Variants in ERCC6 observed in about 807,000 individuals in gnomAD.
ERCC6 encodes DNA excision repair protein ERCC-6.
ERCC6 carries 116 observed loss-of-function variants against 158.7 expected under a neutral mutation model. The observed-to-expected ratio is 0.73, with a 90% CI of 0.63 to 0.85. The LOEUF (loss-of-function observed/expected upper bound fraction) is 0.85, where lower values mean the gene tolerates loss of function less well. Ranked by LOEUF, ERCC6 falls within the 40% of genes least tolerant of loss-of-function variation. ERCC6 has a pLI of 0.00. For missense variants in ERCC6, 1,698 were observed against 1,799.4 expected (o/e 0.94, Z 1.02); for synonymous variants, 678 against 659.3 (o/e 1.03, Z -0.43).
intron 6 of ERCC6, 107 bp downstream of exon 6, chr10:49,505,777 G>C (rs1230183485): frequency 2.2e-6 from 3 of 1,349,654 alleles, no homozygotes; most frequent in Non-Finnish European, 3.1e-6. Context: ...ACAAATTGCT[G>C]CAAGTACCTT....
intron 12 of ERCC6, chr10:49,475,353 G>A: frequency 2.3e-6 from 1 of 430,248 alleles, no homozygotes; most frequent in Non-Finnish European, 4.7e-6. Context: ...TTTTTAATGT[G>A]ACTACTAGAA....
rs149150757 is a variant in ERCC6, at chr10:49,522,679, A to G, written c.1397+1354T>C. Among the ~76,000 whole-genome samples the G allele has an allele frequency of 4.6e-3, 700 of 152,376 alleles. 5 individuals carry two copies. Among genetic ancestry groups the G allele is most frequent in the African/African-American group, 0.015 (634 of 41,592 alleles). On this transcript the variant is annotated intron_variant, in intron 5 of 20. Coordinates refer to ENST00000355832, the MANE Select transcript of ERCC6 (RefSeq NM_000124.4). The stretch of plus-strand genomic sequence containing the variant: ...TGACCCAATTTAATTGGAAAAATAT[A>G]TATTGCTCCATTTATAATCAATATG...
In ERCC6 at chr10:49,528,274, T is replaced by C. The variant is rs4253041; in HGVS notation, c.652+143A>G. 7.9e-4 allele frequency: 758 copies of C among 962,810 alleles called. 4 individuals carry two copies. The East Asian group carries it at 0.017, about 21-fold the overall frequency. The allele number at this position is 962,810 out of a possible 1,614,324, so 59.6% of individuals were successfully genotyped here. A position where few individuals can be genotyped will look rare whatever the true frequency, so the allele number is the denominator to read the frequency against. On this transcript the variant is annotated intron_variant, in intron 4 of 20. Coordinates refer to ENST00000355832, the MANE Select transcript of ERCC6 (RefSeq NM_000124.4). ...GGTTCTGCAGGTGTAGAGAATAAAATTTTCCTAAATCTGTTTTGACACTAA... is the reference window on the plus strand; with the variant it reads ...GGTTCTGCAGGTGTAGAGAATAAAACTTTCCTAAATCTGTTTTGACACTAA...
At chr10:49,533,781 C>A (rs1837528739) in intron 1 of ERCC6, among the ~76,000 whole-genome samples, 1 of 151,932 alleles carries the variant, frequency 6.6e-6, no homozygotes, top group South Asian at 2.1e-4. Context: ...CTAGCCTGGG[C>A]AAAAGAGCAA....
chr10:49,537,189 C>T (rs1041169113), intron 1 of ERCC6, among the ~76,000 whole-genome samples: 4 of 151,998 alleles, frequency 2.6e-5, no homozygotes, highest in Non-Finnish European at 4.4e-5. Flanking sequence ...ACTAAAAATG[C>T]AAAAATTAGC....
chr10:49,523,923 T>C, intron 5 of ERCC6, 110 bp downstream of exon 5: 1 of 1,492,784 alleles, frequency 6.7e-7, no homozygotes, highest in African/African-American at 1.4e-5. Flanking sequence ...CTCTGTATAA[T>C]CGGGGGGGTC....
downstream of ERCC6, among the ~76,000 whole-genome samples, chr10:49,451,155 AACTC>A (rs2132517092): frequency 6.7e-6 from 1 of 149,202 alleles, no homozygotes; most frequent in South Asian, 2.1e-4. Flanking sequence ...CATCTTGCTG[AACTC>A]ACTTATTAGT....
chr10:49,496,874 C>A (rs1851275824), intron 7 of ERCC6, among the ~76,000 whole-genome samples: 1 of 152,128 alleles, frequency 6.6e-6, no homozygotes, highest in Non-Finnish European at 1.5e-5. Flanking sequence ...TCATACAATG[C>A]TTGAAATATT....
chr10:49,445,478 G>C, the ERCC6 span, among the ~76,000 whole-genome samples: 1 of 152,184 alleles, frequency 6.6e-6, no homozygotes, highest in Non-Finnish European at 1.5e-5. Flanking sequence ...TAATCCAGCA[G>C]TAATAAAAAT....
intron 4 of ERCC6, among the ~76,000 whole-genome samples, chr10:49,526,545 T>C (rs939281588): frequency 1.4e-4 from 22 of 152,230 alleles, no homozygotes; most frequent in African/African-American, 5.3e-4. Context: ...TGCTATCTTC[T>C]GATGAACAGA....
rs1215817577 is a variant in ERCC6 at position 49,455,263 on chromosome 10, C to T, written c.*3552G>A. 1 of 152,034 alleles carries T rather than the reference C, an allele frequency of 6.6e-6. No homozygotes were observed. Among genetic ancestry groups the T allele is most frequent in the Non-Finnish European group, 1.5e-5 (1 of 68,006 alleles). The allele number at this position is 152,034 out of a possible 1,614,324, so 9.4% of individuals were successfully genotyped here. ...AAATTTCATCCAAGAATATAAAAGA[C>T]TTTAATAAAATGAGGCCTATCATAA... On this transcript the variant is annotated 3_prime_UTR_variant, in exon 21 of 21. Coordinates refer to ENST00000355832, the MANE Select transcript of ERCC6 (RefSeq NM_000124.4).
intron 5 of ERCC6, chr10:49,516,347 T>A (rs774749613): frequency 1.9e-6 from 3 of 1,614,158 alleles, no homozygotes; most frequent in Non-Finnish European, 2.5e-6. Flanking sequence ...ATTTCATGCA[T>A]CTCTCATTAA....
intron 6 of ERCC6, chr10:49,504,606 C>T (rs999314013): frequency 5.9e-5 from 9 of 152,118 alleles, no homozygotes; most frequent in African/African-American, 1.9e-4. Context: ...GCTAGTACAA[C>T]ACTGATGGTA....
rs1850457722 is a variant in ERCC6 at position 49,454,700 on chromosome 10, CT to C, written c.*4114del. 6.6e-6 allele frequency among the ~76,000 whole-genome samples: 1 copy of C among 151,758 alleles called. No homozygotes were observed. The highest frequency in any genetic ancestry group is 1.5e-5 in the Non-Finnish European group (1 of 68,008). On this transcript the variant is annotated 3_prime_UTR_variant, in exon 21 of 21. Transcript: ENST00000355832. ...CAATGTTAGAAAATTTAACTGTGTA[CT>C]TTACTACACCAAGAAAAGCTATACA...
chr10:49,500,767 T>C, intron 6 of ERCC6, 71 bp from the exon 7 acceptor site: 1 of 1,525,008 alleles, frequency 6.6e-7, no homozygotes, highest in Non-Finnish European at 9.0e-7. Flanking sequence ...TAACAGAAAG[T>C]ACTCATGAAT....
At chr10:49,466,086 A>T (rs116768350) in intron 18 of ERCC6, among the ~76,000 whole-genome samples, 159 of 152,376 alleles carry the variant, frequency 1.0e-3, no homozygotes, top group African/African-American at 3.7e-3. Flanking sequence ...AGTGGAATAC[A>T]AACAAATAAA....
chr10:49,493,039 C>A, intron 8 of ERCC6, 78 bp downstream of exon 8: 26 of 1,446,134 alleles, frequency 1.8e-5, no homozygotes, highest in Non-Finnish European at 2.5e-5. Flanking sequence ...TTGAGAAACA[C>A]ATGGATCAGA....
chr10:49,479,576 C>T (rs1467796881), intron 10 of ERCC6, among the ~76,000 whole-genome samples: 2 of 152,122 alleles, frequency 1.3e-5, no homozygotes, highest in African/African-American at 4.8e-5. Context: ...TGATGAGGTA[C>T]ATATTATGAT....
rs191403740 is a variant in ERCC6, at chr10:49,514,049, C to T, written c.1398-8037G>A. Among the ~76,000 whole-genome samples, 98 of 152,168 alleles carry T rather than the reference C, an allele frequency of 6.4e-4. 2 individuals carry two copies. Among genetic ancestry groups the T allele is most frequent in the Admixed American group, 6.4e-3 (98 of 15,284 alleles). ...ACCACCCCTTTTCTCACAGTGCCAG[C>T]GAAGGGTCCTCTAACTGCCACAGAA... On this transcript the variant is annotated intron_variant, in intron 5 of 20. Transcript: ENST00000355832.
Sources: gnomAD v4.1 joint callset for allele counts (sites outside exome capture counted in the v4.1 genomes callset) on GRCh38, gnomAD v4.1.1 for gene constraint, MANE v1.5 for transcripts, NCBI Gene and HGNC (gene_info 2026-07-23, HGNC 2026-07-21) for gene names.